The following CES5A variants were observed in gnomAD, a reference collection of about 807,000 sequenced individuals.
CES5A encodes carboxylesterase 5A, also known as carboxylesterase 5.
In CES5A, 67 loss-of-function variants were observed where a neutral mutation model predicts 62.9. The ratio of observed to expected loss-of-function variants is 1.07; its 90% CI spans 0.88 to 1.31. The LOEUF is 1.31. Among genes scored for constraint, CES5A ranks in the 50% most tolerant of loss-of-function variants. The probability of loss-of-function intolerance (pLI) is 0.00; values close to 1 mark genes in which losing one functional copy is unlikely to be tolerated. For missense variants in CES5A, 748 were observed against 708.5 expected, an observed-to-expected ratio of 1.06 and a Z score of -0.63; for synonymous variants, 296 against 280.8, an observed-to-expected ratio of 1.05 and a Z score of -0.54.
chr16:55,855,181 C>A (rs1190928609), intron 9 of CES5A, among the ~76,000 whole-genome samples: 1 of 152,250 alleles, frequency 6.6e-6, no homozygotes, highest in Non-Finnish European at 1.5e-5. Flanking sequence ...GTCCACCCCA[C>A]ATTGCACCCC....
At chr16:55,913,778 C>G (rs765094618) in intron 1 of CES5A, among the ~76,000 whole-genome samples, 4 of 152,228 alleles carry the variant, frequency 2.6e-5, no homozygotes, top group African/African-American at 7.2e-5. Flanking sequence ...AAGAGAGTAT[C>G]AAGTCCCTTC....
chr16:55,852,789 A>G (rs1447892889), intron 10 of CES5A, 92 bp downstream of exon 10: 3 of 1,416,548 alleles, frequency 2.1e-6, no homozygotes, highest in African/African-American at 2.8e-5. Context: ...GAACAGAGGC[A>G]GAGAAGGCAG....
At chr16:55,925,565 A>G (rs1371862269), upstream of CES5A, 1 of 152,118 alleles carries the variant, frequency 6.6e-6, no homozygotes, top group Admixed American at 6.5e-5. Context: ...CTGCATTCCC[A>G]TATTTATTGC....
intron 1 of CES5A, among the ~76,000 whole-genome samples, chr16:55,923,815 C>T (rs1352256453): frequency 3.3e-5 from 5 of 151,812 alleles, no homozygotes; most frequent in Non-Finnish European, 5.9e-5. Context: ...AGAACTAAAA[C>T]CACTTGCTTA....
At chr16:55,883,436 T>G (rs1400250518) in intron 1 of CES5A, among the ~76,000 whole-genome samples, 1 of 152,088 alleles carries the variant, frequency 6.6e-6, no homozygotes, top group African/African-American at 2.4e-5. Flanking sequence ...CACACCCAGC[T>G]AATTTTTGTA....
At chr16:55,867,606 C>G (rs1424356550) in intron 4 of CES5A, among the ~76,000 whole-genome samples, 1 of 152,158 alleles carries the variant, frequency 6.6e-6, no homozygotes. Context: ...AATTTTACCT[C>G]CATTCTACTG....
rs2034535560 is a variant in CES5A at position 55,949,882 on chromosome 16, TC to T, written c.62del (p.Gly21GlufsTer21). On this transcript the variant is annotated frameshift_variant, in exon 2 of 14. Coordinates refer to the CES5A transcript ENST00000521992. LOFTEE classifies it high-confidence loss of function. ...AGTAAACCAGGCACAATCTCCACAT[TC>T]CCCTTCTTATCCTAAACTCCTGGAA... The T allele has an allele frequency of 6.6e-7, 1 of 1,510,794 alleles. No individual in the cohort carries two copies. The highest frequency in any genetic ancestry group is 2.0e-5 in the Admixed American group (1 of 49,456). The allele number at this position is 1,510,794 out of a possible 1,614,324, so 93.6% of individuals were successfully genotyped here.
chr16:55,897,762 C>T (rs1417386931), intron 1 of CES5A, among the ~76,000 whole-genome samples: 2 of 152,140 alleles, frequency 1.3e-5, no homozygotes, highest in Non-Finnish European at 2.9e-5. Context: ...ATTTGCCATC[C>T]ATAACACATT....
intron 1 of CES5A, among the ~76,000 whole-genome samples, chr16:55,889,574 A>G (rs1397649973): frequency 1.3e-5 from 2 of 152,132 alleles, no homozygotes; most frequent in African/African-American, 2.4e-5. Flanking sequence ...TAGAGCGTCT[A>G]TGCCCTCTCT....
chr16:55,874,834 G>A (rs563076349), intron 1 of CES5A, among the ~76,000 whole-genome samples: 6 of 152,206 alleles, frequency 3.9e-5, no homozygotes, highest in South Asian at 4.2e-4. Context: ...AAGTCCTGTC[G>A]CCGCAGCCAG....
At position 55,853,089 on chromosome 16, in the gene CES5A, A is replaced by G. The variant is rs1334331844; in HGVS notation, c.1126-61T>C. 7.7e-6 allele frequency: 12 copies of G among 1,550,056 alleles called. No individual in the cohort carries two copies. In the African/African-American group the frequency reaches 1.4e-4, roughly 18 times the overall value. On this transcript the variant is annotated intron_variant, in intron 9 of 12. Coordinates refer to ENST00000290567, the MANE Select transcript of CES5A (RefSeq NM_001143685.2). ...AACCACAATGGCCAACACGTTAAAC[A>G]CTCACCTGTGCAGGTATGATTCTGA...
Position 55,863,402 on chromosome 16 carries a change from ACTCTC to A in CES5A, c.751_755del (p.Glu251TrpfsTer12). The A allele has an allele frequency of 6.2e-7, 1 of 1,610,182 alleles. No homozygotes were observed. Among genetic ancestry groups the A allele is most frequent in the Non-Finnish European group, 8.5e-7 (1 of 1,177,394 alleles). On this transcript the variant is annotated frameshift_variant, in exon 6 of 13. Transcript: ENST00000290567. LOFTEE classifies it high-confidence loss of function. Reference sequence around the variant, plus strand: ...CCAGGTAAGGGATGATGGCCACCCCACTCTCCATGATGGCTTTGTGGAATAAGCCT... The same window carrying A: ...CCAGGTAAGGGATGATGGCCACCCCACATGATGGCTTTGTGGAATAAGCCT...
chr16:55,955,294 A>T (rs1273354634), intron 1 of CES5A, among the ~76,000 whole-genome samples: 1 of 152,178 alleles, frequency 6.6e-6, no homozygotes, highest in Non-Finnish European at 1.5e-5. Flanking sequence ...GTCAAAAAAA[A>T]ATTTTTTTAA....
intron 9 of CES5A, among the ~76,000 whole-genome samples, 194 bp from the exon 10 acceptor site, chr16:55,853,222 G>C (rs572314106): frequency 6.6e-6 from 1 of 152,334 alleles, no homozygotes; most frequent in East Asian, 1.9e-4. Context: ...GAGAGGTGAA[G>C]TGGTTGGGTC....
chr16:55,933,638 A>G (rs1476020349), intron 2 of CES5A, among the ~76,000 whole-genome samples: 2 of 152,148 alleles, frequency 1.3e-5, no homozygotes, highest in African/African-American at 4.8e-5. Flanking sequence ...AGCTGTTACT[A>G]TATGTATATA....
At chr16:55,882,350 A>G (rs2033770838) in intron 1 of CES5A, among the ~76,000 whole-genome samples, 1 of 152,196 alleles carries the variant, frequency 6.6e-6, no homozygotes, top group South Asian at 2.1e-4. Context: ...TAATGCACAG[A>G]GGCGATTCTC....
chr16:55,908,170 A>G (rs1178629771), intron 1 of CES5A, among the ~76,000 whole-genome samples: 1 of 152,012 alleles, frequency 6.6e-6, no homozygotes, highest in Non-Finnish European at 1.5e-5. Context: ...CCCTTAAATC[A>G]GCCTAACTCT....
intron 2 of CES5A, 187 bp from the exon 3 acceptor site, chr16:55,871,950 A>T: frequency 1.7e-6 from 1 of 573,452 alleles, no homozygotes; most frequent in South Asian, 2.1e-5. Flanking sequence ...CAAGCAAATT[A>T]TAATTCTCAT....
At chr16:55,865,282 T>C (rs1285215273) in intron 5 of CES5A, among the ~76,000 whole-genome samples, 2 of 152,320 alleles carry the variant, frequency 1.3e-5, no homozygotes, top group East Asian at 3.9e-4. Context: ...AATATATAGA[T>C]ATAGATATAG....
Sources: gnomAD v4.1 joint callset for allele counts (sites outside exome capture counted in the v4.1 genomes callset) on GRCh38, gnomAD v4.1.1 for gene constraint, MANE v1.5 for transcripts, NCBI Gene and HGNC (gene_info 2026-07-23, HGNC 2026-07-21) for gene names.